The following KRT222 variants were observed in gnomAD, a reference collection of about 807,000 sequenced individuals.
The protein encoded by KRT222 is keratin-like protein KRT222.
KRT222 carries 23 observed loss-of-function variants against 35.0 expected under a neutral mutation model. The observed-to-expected ratio is 0.66, with a 90% confidence interval of 0.47 to 0.93. The LOEUF is 0.93. KRT222 is among the 40% of genes least tolerant of loss of function. The pLI, the probability that KRT222 is intolerant of heterozygous loss-of-function variation, is 0.00. For synonymous variants in KRT222, 108 were observed against 118.8 expected (o/e 0.91, Z 0.59); for missense variants, 339 against 346.3 (o/e 0.98, Z 0.17).
chr17:40,664,396 A>G (rs1169005758), intron 1 of KRT222, among the ~76,000 whole-genome samples: 1 of 152,190 alleles, frequency 6.6e-6, no homozygotes, highest in Non-Finnish European at 1.5e-5. Context: ...TTCTCATCTT[A>G]TAGTACAGAA....
At chr17:40,664,156 A>C (rs1302875406) in intron 1 of KRT222, among the ~76,000 whole-genome samples, 1 of 152,112 alleles carries the variant, frequency 6.6e-6, no homozygotes, top group Non-Finnish European at 1.5e-5. Flanking sequence ...AGATAACTTG[A>C]ACCCATATAT....
chr17:40,660,987 C>T (rs1168968290), intron 2 of KRT222, among the ~76,000 whole-genome samples: 2 of 152,240 alleles, frequency 1.3e-5, no homozygotes, highest in African/African-American at 2.4e-5. Context: ...CTCTGTCGCT[C>T]ATGCTGGAGT....
chr17:40,657,346 A>T lies in KRT222; in HGVS notation c.659+6T>A. On this transcript the variant is annotated splice_donor_region_variant and intron_variant, in intron 5 of 5. Transcript: ENST00000394052. ...ATTATTTCTTAGTCAAAGTTTCTTTACTTACTGAATAGTGCCATGAGCTTC... is the reference window on the plus strand; with the variant it reads ...ATTATTTCTTAGTCAAAGTTTCTTTTCTTACTGAATAGTGCCATGAGCTTC... 6.6e-7 allele frequency: 1 copy of T among 1,525,122 alleles called. No homozygotes were observed. The highest frequency in any genetic ancestry group is 8.8e-7 in the Non-Finnish European group (1 of 1,140,100). The allele number at this position is 1,525,122 out of a possible 1,614,324, so 94.5% of individuals were successfully genotyped here. A position where few individuals can be genotyped will look rare whatever the true frequency, so the allele number is the denominator to read the frequency against.
rs1250933284 is a variant in KRT222, at chr17:40,665,012, T to C, written c.88A>G (p.Arg30Gly). 9.9e-6 allele frequency: 16 copies of C among 1,613,650 alleles called. No individual in the cohort carries two copies. The highest frequency in any genetic ancestry group is 1.3e-5 in the Non-Finnish European group (15 of 1,179,650). Residue 30 changes from arginine (R) to glycine (G), a missense_variant, in exon 1 of 6, where the codon AGG becomes GGG. By Grantham distance (125) the Arg-to-Gly change is moderately radical (BLOSUM62 -2). Transcript: ENST00000394052. Reference protein sequence around the residue: ...RNQIETVLSTRIQLEEDISKK... With the variant: ...RNQIETVLSTGIQLEEDISKK... ...CTGTATGAAATCATTACCTGGATCC[T>C]TGTTGAGAGCACCGTCTCTATCTGA...
At position 40,657,662 on chromosome 17, in the gene KRT222, T is replaced by A; in HGVS notation, c.523+12A>T. On this transcript the variant is annotated intron_variant, in intron 4 of 5. Transcript: ENST00000394052. ...CACTTTTCAAATGAGTTTATTTATG[T>A]CAGAAACTCACCTGATGGTAAAACA... 6.2e-7 allele frequency: 1 copy of A among 1,606,460 alleles called. No homozygotes were observed. The highest frequency in any genetic ancestry group is 8.5e-7 in the Non-Finnish European group (1 of 1,174,030).
At chr17:40,658,692 C>T (rs1053006002) in intron 3 of KRT222, among the ~76,000 whole-genome samples, 1 of 152,086 alleles carries the variant, frequency 6.6e-6, no homozygotes, top group Non-Finnish European at 1.5e-5. Context: ...TAATAAATGT[C>T]AAGATTTATT....
Position 40,655,361 on chromosome 17 carries a change from A to G in KRT222, c.*1041T>C, listed in dbSNP as rs752750811. 1.8e-4 allele frequency: 27 copies of G among 152,098 alleles called. No individual in the cohort carries two copies. The highest frequency in any genetic ancestry group is 3.2e-4 in the Non-Finnish European group (22 of 67,960). 9.4% of individuals were successfully genotyped at this position (152,098 alleles called of 1,614,324 possible). On this transcript the variant is annotated 3_prime_UTR_variant, in exon 6 of 6. Coordinates refer to ENST00000394052, the MANE Select transcript of KRT222 (RefSeq NM_152349.3). ...AACAATACCTCACTTATTCACAAAT[A>G]TATTTTCTACCCATATTTATTACAA...
chr17:40,657,584 T>C (rs2037354115), intron 4 of KRT222, 90 bp downstream of exon 4: 8 of 1,500,870 alleles, frequency 5.3e-6, no homozygotes, highest in Non-Finnish European at 6.3e-6. Context: ...TTGTTTTTTT[T>C]CGACTTTAAA....
chr17:40,658,253 T>A (rs904427706), intron 3 of KRT222, among the ~76,000 whole-genome samples: 49 of 152,274 alleles, frequency 3.2e-4, no homozygotes, highest in African/African-American at 1.1e-3. Context: ...CTAATTTTTT[T>A]AAAGTTTTAC....
intron 3 of KRT222, among the ~76,000 whole-genome samples, chr17:40,658,135 ACT>A (rs2037358011): frequency 7.0e-6 from 1 of 143,824 alleles, no homozygotes; most frequent in African/African-American, 2.6e-5. Context: ...GAAACATTTT[ACT>A]CTTTTTTTTT....
chr17:40,660,089 A>T lies in KRT222; in HGVS notation c.344T>A (p.Ile115Asn). 1 of 1,614,072 alleles carries T rather than the reference A, an allele frequency of 6.2e-7. No homozygotes were observed. The highest frequency in any genetic ancestry group is 1.1e-5 in the South Asian group (1 of 91,070). ...CTCGTGCTCTTGAAGCTGCTTTTCG[A>T]TGCCGCGCCTTACTTCCTGTAGCTC... ...EKELQEVRRG[I>N]EKQLQEHEML... Residue 115 changes from isoleucine (I) to asparagine (N), a missense_variant, in exon 3 of 6, where the codon ATC becomes AAC. Coordinates refer to ENST00000394052, the MANE Select transcript of KRT222 (RefSeq NM_152349.3).
chr17:40,659,710 C>T (rs1307967624), intron 3 of KRT222, among the ~76,000 whole-genome samples: 1 of 152,198 alleles, frequency 6.6e-6, no homozygotes, highest in Non-Finnish European at 1.5e-5. Flanking sequence ...AGCAGTGAGC[C>T]ACTGCAGCTG....
At position 40,665,022 on chromosome 17, in the gene KRT222, C is replaced by T; in HGVS notation, c.78G>A (p.Val26=). Residue 26 remains valine, a synonymous_variant, in exon 1 of 6, where the codon GTG becomes GTA. Transcript: ENST00000394052. ...TCATTACCTGGATCCTTGTTGAGAG[C>T]ACCGTCTCTATCTGATTTCTGGTGA... ...KILTRNQIET[V]LSTRIQLEED... 6.2e-7 allele frequency: 1 copy of T among 1,613,974 alleles called. No individual in the cohort carries two copies. The highest frequency in any genetic ancestry group is 8.5e-7 in the Non-Finnish European group (1 of 1,179,904).
chr17:40,661,755 T>C (rs984255104), intron 2 of KRT222, among the ~76,000 whole-genome samples, 161 bp downstream of exon 2: 4 of 152,138 alleles, frequency 2.6e-5, no homozygotes, highest in African/African-American at 9.7e-5. Context: ...ACTGCCACAA[T>C]GGAGGGAGGG....
At chr17:40,659,068 G>C (rs2037363779) in intron 3 of KRT222, among the ~76,000 whole-genome samples, 1 of 151,994 alleles carries the variant, frequency 6.6e-6, no homozygotes, top group South Asian at 2.1e-4. Context: ...TTTTGTTATG[G>C]GTGATCCTTA....
intron 2 of KRT222, among the ~76,000 whole-genome samples, chr17:40,661,129 A>G (rs1438200279): frequency 6.6e-6 from 1 of 151,874 alleles, no homozygotes; most frequent in African/African-American, 2.4e-5. Context: ...TATTTTTAGG[A>G]GAGATGTTTT....
chr17:40,657,610 A>G lies in KRT222; in HGVS notation c.523+64T>C, dbSNP rs150740221. On this transcript the variant is annotated intron_variant, in intron 4 of 5. Coordinates refer to ENST00000394052, the MANE Select transcript of KRT222 (RefSeq NM_152349.3). The stretch of plus-strand genomic sequence containing the variant: ...CGACTTTAAAGTATTTAATTTCCTT[A>G]TAAAGTAATCCCTGTAAATAGTACA... The G allele has an allele frequency of 8.8e-3, 13,125 of 1,497,892 alleles. 61 individuals are homozygous for G. The highest frequency in any genetic ancestry group is 9.8e-3 in the Non-Finnish European group (10,676 of 1,092,896). The allele number at this position is 1,497,892 out of a possible 1,614,324, so 92.8% of individuals were successfully genotyped here.
rs1332646625 is a variant in KRT222, at chr17:40,657,429, A to G, written c.582T>C (p.Asn194=). ...TKVPQKYENE[N]VETVTKQAIL... Reference sequence around the variant, plus strand: ...TTGCCTGTTTGGTTACTGTTTCTACATTTTCATTCTCATACTTTTGTGGGA... The same window carrying G: ...TTGCCTGTTTGGTTACTGTTTCTACGTTTTCATTCTCATACTTTTGTGGGA... The change falls in exon 5 of 6, where the codon AAT becomes AAC. Residue 194 remains asparagine, a synonymous_variant. Coordinates refer to ENST00000394052, the MANE Select transcript of KRT222 (RefSeq NM_152349.3). 3 of 1,610,444 alleles carry G rather than the reference A, an allele frequency of 1.9e-6. No individual in the cohort carries two copies. The East Asian group carries it at 6.7e-5, about 36-fold the overall frequency.
At chr17:40,660,641 C>T (rs1008350299) in intron 2 of KRT222, among the ~76,000 whole-genome samples, 1 of 151,880 alleles carries the variant, frequency 6.6e-6, no homozygotes, top group East Asian at 1.9e-4. Context: ...TATACCTATG[C>T]AAGAGGTGTG....
Sources: gnomAD v4.1 joint callset for allele counts (sites outside exome capture counted in the v4.1 genomes callset) on GRCh38, gnomAD v4.1.1 for gene constraint, MANE v1.5 for transcripts, NCBI Gene and HGNC (gene_info 2026-07-23, HGNC 2026-07-21) for gene names.